Variants in MAP3K1 observed in about 807,000 individuals in gnomAD.
MAP3K1 encodes the protein MAP/ERK kinase kinase 1.
Under a neutral mutation model 144.2 loss-of-function variants are expected in MAP3K1, and 36 were observed. The observed-to-expected ratio is 0.25, with a 90% CI of 0.19 to 0.33. The LOEUF is 0.33. Among genes scored for constraint, MAP3K1 ranks in the 10% least tolerant of loss-of-function variants. The pLI is 1.00. For missense variants in MAP3K1, 1,650 were observed against 1,881.9 expected (o/e 0.88, Z 2.28); for synonymous variants, 718 against 688.7 (o/e 1.04, Z -0.67).
At chr5:56,884,598 G>T in intron 15 of MAP3K1, 66 bp from the exon 16 acceptor site, 9 of 1,495,774 alleles carry the variant, frequency 6.0e-6, no homozygotes, top group Non-Finnish European at 8.4e-6. Flanking sequence ...GTTTGCATTT[G>T]TTCATTTTAG....
intron 1 of MAP3K1, chr5:56,820,581 A>G (rs951295432): frequency 1.0e-6 from 1 of 985,116 alleles, no homozygotes; most frequent in African/African-American, 1.7e-5. Context: ...TTAGTGTTGA[A>G]TGTTTCTTAG....
chr5:56,877,222 T>G (rs1223325820), intron 10 of MAP3K1, among the ~76,000 whole-genome samples: 2 of 152,234 alleles, frequency 1.3e-5, no homozygotes, highest in African/African-American at 4.8e-5. Flanking sequence ...ACACAAACCT[T>G]CAGGCATACT....
intron 1 of MAP3K1, chr5:56,817,182 G>GA (rs1365395723): frequency 3.0e-5 from 24 of 794,850 alleles, no homozygotes; most frequent in Non-Finnish European, 3.5e-5. Context: ...TATGTTAAAG[G>GA]AAATTCTTTT....
chr5:56,895,120 TA>T lies in MAP3K1; in HGVS notation c.*1441del, dbSNP rs1298844881. 12 of 231,422 alleles carry T rather than the reference TA, an allele frequency of 5.2e-5. No homozygotes were observed. The East Asian group carries it at 6.1e-4, about 12-fold the overall frequency. The allele number at this position is 231,422 out of a possible 1,614,324, so 14.3% of individuals were successfully genotyped here. A position where few individuals can be genotyped will look rare whatever the true frequency, so the allele number is the denominator to read the frequency against. ...GACTCAGGATAAACTAAATAAGCTA[TA>T]TATAGAGTACATTTAAAATGTACAA... On this transcript the variant is annotated 3_prime_UTR_variant, in exon 20 of 20. Transcript: ENST00000399503.
intron 1 of MAP3K1, among the ~76,000 whole-genome samples, chr5:56,841,309 T>C (rs1746808319): frequency 6.6e-6 from 1 of 152,332 alleles, no homozygotes; most frequent in East Asian, 1.9e-4. Flanking sequence ...GTCTGAACTT[T>C]CTGAGAGCTT....
chr5:56,892,194 C>T (rs1748569597), intron 19 of MAP3K1, among the ~76,000 whole-genome samples: 1 of 152,142 alleles, frequency 6.6e-6, no homozygotes, highest in African/African-American at 2.4e-5. Context: ...TTGTTTGTGT[C>T]CTCTTTTATT....
At chr5:56,821,584 A>G (rs1265184645) in intron 1 of MAP3K1, among the ~76,000 whole-genome samples, 1 of 152,228 alleles carries the variant, frequency 6.6e-6, no homozygotes, top group Non-Finnish European at 1.5e-5. Context: ...TAAATTAGAA[A>G]TGGGTTCTCA....
intron 1 of MAP3K1, among the ~76,000 whole-genome samples, chr5:56,854,082 A>G (rs540593802): frequency 1.0e-3 from 153 of 152,282 alleles, no homozygotes; most frequent in Non-Finnish European, 1.8e-3. Context: ...TTATTTGACA[A>G]TATTATCAAA....
intron 1 of MAP3K1, among the ~76,000 whole-genome samples, chr5:56,848,102 C>CAA (rs11399910): frequency 0.1 from 14,985 of 150,360 alleles, 1,189 homozygotes; most frequent in East Asian, 0.34. Flanking sequence ...TAATTGACTG[C>CAA]AAAAAAAAAA....
chr5:56,873,093 T>TA (rs1465667994), intron 9 of MAP3K1, 88 bp downstream of exon 9: 16 of 1,278,156 alleles, frequency 1.3e-5, no homozygotes, highest in Non-Finnish European at 1.4e-5. Context: ...GTTCATAATT[T>TA]AAAAAAACAC....
intron 16 of MAP3K1, 22 bp from the exon 17 acceptor site, chr5:56,885,910 A>C: frequency 6.2e-7 from 1 of 1,607,770 alleles, no homozygotes; most frequent in South Asian, 1.1e-5. Flanking sequence ...AGTTTATGAT[A>C]ATTATTTCTA....
chr5:56,890,599 A>G (rs1748519844), intron 19 of MAP3K1, among the ~76,000 whole-genome samples: 1 of 152,200 alleles, frequency 6.6e-6, no homozygotes, highest in Admixed American at 6.5e-5. Context: ...GATTACCTCT[A>G]GAAGTACCAA....
intron 11 of MAP3K1, among the ~76,000 whole-genome samples, chr5:56,879,579 A>AT (rs768086019): frequency 1.3e-5 from 2 of 152,228 alleles, no homozygotes; most frequent in South Asian, 2.1e-4. Context: ...AAATTTTTAG[A>AT]TTTTTTATAT....
At chr5:56,849,135 C>T (rs1033354594) in intron 1 of MAP3K1, among the ~76,000 whole-genome samples, 3 of 152,096 alleles carry the variant, frequency 2.0e-5, no homozygotes, top group Admixed American at 6.5e-5. Context: ...GTGCTTTGAG[C>T]TCAGGAGTTC....
rs762324378 is a variant in MAP3K1 at position 56,893,727 on chromosome 5, GA to G, written c.*55del. Reference sequence around the variant, plus strand: ...AGTAGAAACAGGATGCTCAACAAGAGAAAAAAAACTTGTGGGGAACCACATT... The same window carrying G: ...AGTAGAAACAGGATGCTCAACAAGAGAAAAAAACTTGTGGGGAACCACATT... On this transcript the variant is annotated 3_prime_UTR_variant, in exon 20 of 20. Coordinates refer to ENST00000399503, the MANE Select transcript of MAP3K1 (RefSeq NM_005921.2). The G allele has an allele frequency of 6.2e-6, 10 of 1,604,144 alleles. No homozygotes were observed. The highest frequency in any genetic ancestry group is 3.4e-5 in the Admixed American group (2 of 59,632).
intron 19 of MAP3K1, 64 bp from the exon 20 acceptor site, chr5:56,893,467 A>C: frequency 6.5e-7 from 1 of 1,528,946 alleles, no homozygotes; most frequent in Non-Finnish European, 9.1e-7. Flanking sequence ...AGGTCTATGC[A>C]CATGTGTTTC....
At chr5:56,851,131 A>C (rs543468951) in intron 1 of MAP3K1, among the ~76,000 whole-genome samples, 69 of 152,188 alleles carry the variant, frequency 4.5e-4, no homozygotes, top group African/African-American at 1.6e-3. Flanking sequence ...TTTTTAGTAG[A>C]GATGGGGTTT....
intron 6 of MAP3K1, among the ~76,000 whole-genome samples, chr5:56,870,137 A>T (rs1747808233): frequency 6.6e-6 from 1 of 152,208 alleles, no homozygotes; most frequent in Non-Finnish European, 1.5e-5. Context: ...AAAAAATTAG[A>T]AGTAATGGCA....
In MAP3K1 at chr5:56,893,543, A is replaced by G. The variant is rs1329254917; in HGVS notation, c.4402A>G (p.Thr1468Ala). 1.2e-6 allele frequency: 2 copies of G among 1,613,880 alleles called. No homozygotes were observed. Among genetic ancestry groups the G allele is most frequent in the Admixed American group, 3.3e-5 (2 of 59,998 alleles). The change falls in exon 20 of 20, where the codon ACT (threonine) becomes GCT (alanine). Residue 1468 changes from threonine to alanine, a missense_variant. Physicochemically the swap from Thr to Ala is moderately conservative, Grantham distance 58. Transcript: ENST00000399503. Reference sequence around the variant, plus strand: ...TTTTTCTCCACAGATTGCTAGTGCAACTACTGCTCCATCGATCCCTTCACA... The same window carrying G: ...TTTTTCTCCACAGATTGCTAGTGCAGCTACTGCTCCATCGATCCCTTCACA... ...LALIFKIASA[T>A]TAPSIPSHLS...
Sources: gnomAD v4.1 joint callset for allele counts (sites outside exome capture counted in the v4.1 genomes callset) on GRCh38, gnomAD v4.1.1 for gene constraint, MANE v1.5 for transcripts, NCBI Gene and HGNC (gene_info 2026-07-23, HGNC 2026-07-21) for gene names.